Variants in CHCHD6 observed in about 807,000 individuals in gnomAD.
CHCHD6 encodes MICOS complex subunit MIC25.
CHCHD6 carries 28 observed loss-of-function variants against 32.3 expected under a neutral mutation model. The ratio of observed to expected loss-of-function variants is 0.87; its 90% confidence interval spans 0.64 to 1.19. The LOEUF (loss-of-function observed/expected upper bound fraction) is 1.19. CHCHD6 is among the 50% of genes most tolerant of loss of function. CHCHD6 has a pLI of 0.00. For missense variants in CHCHD6, 333 were observed against 307.0 expected, an observed-to-expected ratio of 1.08 and a Z score of -0.63; for synonymous variants, 122 against 117.5, an observed-to-expected ratio of 1.04 and a Z score of -0.25.
chr3:126,782,459 C>G (rs1937992128), intron 4 of CHCHD6, among the ~76,000 whole-genome samples: 2 of 152,218 alleles, frequency 1.3e-5, no homozygotes, highest in South Asian at 4.1e-4. Context: ...CCAGCCGTTT[C>G]TGATTCCAAT....
chr3:126,909,323 C>T (rs1000221124), intron 5 of CHCHD6, among the ~76,000 whole-genome samples: 15 of 152,218 alleles, frequency 9.9e-5, no homozygotes, highest in African/African-American at 3.6e-4. Flanking sequence ...GCCCCATGTC[C>T]TCCTCCCACC....
At chr3:126,737,867 G>C (rs1383035295) in intron 4 of CHCHD6, among the ~76,000 whole-genome samples, 6 of 152,120 alleles carry the variant, frequency 3.9e-5, no homozygotes, top group African/African-American at 1.4e-4. Context: ...AGGTGCGGTT[G>C]TGGAACGACA....
At chr3:126,831,097 C>T (rs1398165834) in intron 4 of CHCHD6, among the ~76,000 whole-genome samples, 1 of 151,862 alleles carries the variant, frequency 6.6e-6, no homozygotes, top group Non-Finnish European at 1.5e-5. Flanking sequence ...AATCTCAGCT[C>T]ACTGCAAGCT....
chr3:126,902,137 TGGG>T (rs1021345361), intron 5 of CHCHD6, among the ~76,000 whole-genome samples: 6 of 152,180 alleles, frequency 3.9e-5, no homozygotes, highest in African/African-American at 1.4e-4. Flanking sequence ...TAGAATCTCT[TGGG>T]GGAGCTTCTG....
chr3:126,866,105 A>G lies in CHCHD6; in HGVS notation c.495+13375A>G, dbSNP rs139714809. ...TCAACCTCAGAGCCAAGATTTAATC[A>G]GGGCTTTCAGACTCTACTTCTGTAA... On this transcript the variant is annotated intron_variant, in intron 5 of 7. Coordinates refer to ENST00000290913, the MANE Select transcript of CHCHD6 (RefSeq NM_032343.3). Among the ~76,000 whole-genome samples, 111 of 152,320 alleles carry G rather than the reference A, an allele frequency of 7.3e-4. No individual in the cohort carries two copies. The Middle Eastern group carries it at 0.01, about 14-fold the overall frequency.
intron 5 of CHCHD6, among the ~76,000 whole-genome samples, chr3:126,911,209 C>G (rs1184974355): frequency 6.6e-6 from 1 of 152,142 alleles, no homozygotes; most frequent in African/African-American, 2.4e-5. Context: ...ATGCCACCAT[C>G]TCAGAGCTCC....
intron 6 of CHCHD6, among the ~76,000 whole-genome samples, chr3:126,940,255 A>G (rs139153618): frequency 0.03 from 4,558 of 152,350 alleles, 98 homozygotes; most frequent in Non-Finnish European, 0.039. Flanking sequence ...ATGTTCACGG[A>G]GCACAGCCAC....
In CHCHD6 at chr3:126,755,838, A is replaced by ATGTGTGTGTGTGTGTG. The variant is rs58430251; in HGVS notation, c.411+22632_411+22647dup. Among the ~76,000 whole-genome samples the ATGTGTGTGTGTGTGTG allele has an allele frequency of 1.0e-3, 149 of 145,962 alleles. 1 individual carries two copies. The highest frequency in any genetic ancestry group is 3.6e-3 in the African/African-American group (144 of 40,026). Reference sequence around the variant, plus strand: ...TGTGTGTGTGTACATCTGTGTGTGCATGTGTGTGTGTGTGTGTGTGTGTGT... The same window carrying ATGTGTGTGTGTGTGTG: ...TGTGTGTGTGTACATCTGTGTGTGCATGTGTGTGTGTGTGTGTGTGTGTGTGTGTGTGTGTGTGTGT... On this transcript the variant is annotated intron_variant, in intron 4 of 7. Coordinates refer to ENST00000290913, the MANE Select transcript of CHCHD6 (RefSeq NM_032343.3).
rs1030369879 is a variant in CHCHD6 at position 126,855,662 on chromosome 3, C to G, written c.495+2932C>G. On this transcript the variant is annotated intron_variant, in intron 5 of 7. Transcript: ENST00000290913. ...CTTTTCTCTGATGGTCTTGCAGTAT[C>G]CACTGGGCTGGGGCCATGCAATCCC... Among the ~76,000 whole-genome samples the G allele has an allele frequency of 8.5e-5, 13 of 152,134 alleles. No homozygotes were observed. The South Asian group carries it at 1.7e-3, about 19-fold the overall frequency.
At chr3:126,944,151 G>C (rs1224037870) in intron 6 of CHCHD6, among the ~76,000 whole-genome samples, 1 of 152,258 alleles carries the variant, frequency 6.6e-6, no homozygotes, top group Non-Finnish European at 1.5e-5. Flanking sequence ...AATAGGCGCT[G>C]AGCTGTGTTC....
intron 4 of CHCHD6, chr3:126,766,346 T>C (rs1937369812): frequency 2.3e-6 from 1 of 427,104 alleles, no homozygotes; most frequent in Non-Finnish European, 4.4e-6. Context: ...TTTGCTTTTT[T>C]AAATACCTCG....
At chr3:126,753,660 C>G (rs922549738) in intron 4 of CHCHD6, among the ~76,000 whole-genome samples, 1 of 152,260 alleles carries the variant, frequency 6.6e-6, no homozygotes, top group Non-Finnish European at 1.5e-5. Flanking sequence ...GCCCCTGTCT[C>G]TCTCTCTGGT....
chr3:126,896,264 C>G (rs1000910530), intron 5 of CHCHD6, among the ~76,000 whole-genome samples: 5 of 152,204 alleles, frequency 3.3e-5, no homozygotes, highest in African/African-American at 1.2e-4. Flanking sequence ...AGCTTTAACC[C>G]CTACACCCTG....
At chr3:126,806,219 A>G (rs1939369618) in intron 4 of CHCHD6, among the ~76,000 whole-genome samples, 1 of 152,174 alleles carries the variant, frequency 6.6e-6, no homozygotes, top group South Asian at 2.1e-4. Flanking sequence ...ATTAAACTAA[A>G]GAGCTTCTGC....
At chr3:126,712,705 T>G (rs981942617) in intron 1 of CHCHD6, among the ~76,000 whole-genome samples, 1 of 152,212 alleles carries the variant, frequency 6.6e-6, no homozygotes, top group Non-Finnish European at 1.5e-5. Flanking sequence ...TTTCTGAGCC[T>G]GCTATCCCTT....
At chr3:126,915,152 C>G (rs1404992687) in intron 6 of CHCHD6, among the ~76,000 whole-genome samples, 1 of 152,224 alleles carries the variant, frequency 6.6e-6, no homozygotes, top group Non-Finnish European at 1.5e-5. Flanking sequence ...AAGGTGTCCC[C>G]TCTCAGTGCT....
chr3:126,851,496 C>T (rs1050885138), intron 4 of CHCHD6, among the ~76,000 whole-genome samples: 1 of 152,208 alleles, frequency 6.6e-6, no homozygotes, highest in African/African-American at 2.4e-5. Context: ...AGCGGAATAC[C>T]TGAGCGCACA....
In CHCHD6 at chr3:126,726,093, T is replaced by C. The variant is rs560359596; in HGVS notation, c.88-985T>C. 9.6e-4 allele frequency among the ~76,000 whole-genome samples: 146 copies of C among 152,380 alleles called. 3 individuals are homozygous for C. The South Asian group carries it at 0.028, about 29-fold the overall frequency. ...GGTGCAACAGGCCTAGCTCTCGGCC[T>C]ATCTTAGCTTTCGACATGCCTTCCT... On this transcript the variant is annotated intron_variant, in intron 1 of 7. Transcript: ENST00000290913.
At chr3:126,898,642 G>T (rs2077876341) in intron 5 of CHCHD6, among the ~76,000 whole-genome samples, 1 of 152,104 alleles carries the variant, frequency 6.6e-6, no homozygotes, top group Non-Finnish European at 1.5e-5. Context: ...AGGTTCAAGC[G>T]ATTCACCAGT....
Sources: allele counts gnomAD v4.1 joint callset (sites outside exome capture counted in the v4.1 genomes callset), GRCh38; gene constraint gnomAD v4.1.1; transcripts MANE v1.5; gene names NCBI Gene and HGNC (gene_info 2026-07-23, HGNC 2026-07-21).